The following DLG2 variants were observed in gnomAD, a reference collection of about 807,000 sequenced individuals.
DLG2 encodes the protein disks large homolog 2.
Under a neutral mutation model 132.5 loss-of-function variants are expected in DLG2, and 45 were observed. The ratio of observed to expected loss-of-function variants is 0.34; its 90% CI spans 0.27 to 0.44. The LOEUF is 0.44. Among genes scored for constraint, DLG2 ranks in the 20% least tolerant of loss-of-function variants. The pLI, the probability that DLG2 is intolerant of heterozygous loss-of-function variation, is 1.00. For missense variants in DLG2, 1,045 were observed against 1,196.9 expected, an observed-to-expected ratio of 0.87 and a Z score of 1.87; for synonymous variants, 424 against 419.6, an observed-to-expected ratio of 1.01 and a Z score of -0.13.
At chr11:83,752,408 T>C (rs952035247) in intron 18 of DLG2, among the ~76,000 whole-genome samples, 9 of 152,080 alleles carry the variant, frequency 5.9e-5, no homozygotes, top group African/African-American at 2.2e-4. Flanking sequence ...ATCATCCAAG[T>C]ATGAATCATA....
intron 6 of DLG2, among the ~76,000 whole-genome samples, chr11:84,974,532 C>A (rs757050646): frequency 6.6e-6 from 1 of 152,098 alleles, no homozygotes; most frequent in Non-Finnish European, 1.5e-5. Context: ...TACAGTGAGG[C>A]CTTCAGAAGT....
At chr11:85,505,584 G>C (rs2093911759) in intron 3 of DLG2, among the ~76,000 whole-genome samples, 1 of 152,144 alleles carries the variant, frequency 6.6e-6, no homozygotes, top group African/African-American at 2.4e-5. Flanking sequence ...TGATGGTGGT[G>C]GATAAGATTT....
intron 3 of DLG2, among the ~76,000 whole-genome samples, chr11:85,524,126 T>A: frequency 6.6e-6 from 1 of 152,084 alleles, no homozygotes; most frequent in East Asian, 1.9e-4. Context: ...GTAGGGATGA[T>A]TAATGGGTAT....
intron 6 of DLG2, among the ~76,000 whole-genome samples, chr11:85,032,134 T>C (rs1278750158): frequency 6.6e-6 from 1 of 151,846 alleles, no homozygotes; most frequent in Non-Finnish European, 1.5e-5. Flanking sequence ...AAAATGCAAT[T>C]TCTGTAACTT....
At chr11:84,973,768 T>C (rs1267373456) in intron 6 of DLG2, among the ~76,000 whole-genome samples, 1 of 152,182 alleles carries the variant, frequency 6.6e-6, no homozygotes, top group Non-Finnish European at 1.5e-5. Context: ...AACTCTGCTA[T>C]TGTAGTACAA....
rs971635144 is a variant in DLG2, at chr11:84,508,157, G to A, written c.519+26413C>T. Among the ~76,000 whole-genome samples, 45 of 152,262 alleles carry A rather than the reference G, an allele frequency of 3.0e-4. 1 individual carries two copies. Among genetic ancestry groups the A allele is most frequent in the Admixed American group, 2.0e-4 (3 of 15,298 alleles). On this transcript the variant is annotated intron_variant, in intron 7 of 27. Transcript: ENST00000376104. ...TTACTTTGTCTTATGATACACACAT[G>A]TGCTGCCTGCTCTACCTATTTTAAC...
At chr11:84,648,065 T>C (rs557111395) in intron 6 of DLG2, among the ~76,000 whole-genome samples, 3 of 152,222 alleles carry the variant, frequency 2.0e-5, no homozygotes, top group Non-Finnish European at 2.9e-5. Flanking sequence ...CAAGGTAACA[T>C]AGCTAGTAAA....
intron 4 of DLG2, among the ~76,000 whole-genome samples, chr11:85,262,420 AC>A (rs1173154537): frequency 6.6e-6 from 1 of 152,064 alleles, no homozygotes; most frequent in Non-Finnish European, 1.5e-5. Flanking sequence ...TCTTAACAAG[AC>A]CCGTTTAGGA....
intron 9 of DLG2, among the ~76,000 whole-genome samples, chr11:84,139,285 GCA>G (rs954416223): frequency 5.3e-5 from 8 of 151,980 alleles, no homozygotes; most frequent in Admixed American, 4.6e-4. Flanking sequence ...TGAATTCCAG[GCA>G]CCACAGTAGG....
intron 7 of DLG2, among the ~76,000 whole-genome samples, chr11:84,285,188 C>T (rs2097897062): frequency 6.6e-6 from 1 of 152,140 alleles, no homozygotes; most frequent in South Asian, 2.1e-4. Flanking sequence ...GATATAACAG[C>T]TCCAAAAGCT....
chr11:85,026,560 G>T (rs1017842594), intron 6 of DLG2, among the ~76,000 whole-genome samples: 1 of 152,050 alleles, frequency 6.6e-6, no homozygotes, highest in Non-Finnish European at 1.5e-5. Context: ...TCTTTCGGCC[G>T]GGCGCGGTAG....
chr11:85,007,202 C>CT (rs5793151), intron 6 of DLG2, among the ~76,000 whole-genome samples: 106,946 of 151,584 alleles, frequency 0.71, 38,708 homozygotes, highest in East Asian at 0.92. Context: ...AAGTACATAA[C>CT]TCTCAAAGAA....
intron 7 of DLG2, among the ~76,000 whole-genome samples, chr11:84,419,468 T>G (rs1013311810): frequency 3.3e-5 from 5 of 152,194 alleles, no homozygotes; most frequent in Non-Finnish European, 2.9e-5. Context: ...GGACATCATT[T>G]AGAACATCCT....
At position 85,060,505 on chromosome 11, in the gene DLG2, A is replaced by ATG. The variant is rs547204773; in HGVS notation, c.357+51154_357+51155dup. On this transcript the variant is annotated intron_variant, in intron 6 of 27. Transcript: ENST00000376104. ...TATATATATATACACGCATATGTAT[A>ATG]TGTGTGTGTGTGTATACATGTATTT... 4.5e-3 allele frequency among the ~76,000 whole-genome samples: 671 copies of ATG among 150,500 alleles called. 3 individuals are homozygous for ATG. The highest frequency in any genetic ancestry group is 7.1e-3 in the Non-Finnish European group (478 of 67,392).
intron 16 of DLG2, among the ~76,000 whole-genome samples, chr11:83,852,622 C>T (rs2059962774): frequency 6.6e-6 from 1 of 152,170 alleles, no homozygotes. Flanking sequence ...TAGTTGAACT[C>T]TAAAAATTCT....
chr11:84,676,918 GA>G (rs1429678024), intron 6 of DLG2, among the ~76,000 whole-genome samples: 1 of 152,032 alleles, frequency 6.6e-6, no homozygotes, highest in African/African-American at 2.4e-5. Context: ...GAACAAGTGA[GA>G]AAAGCCTGCA....
intron 3 of DLG2, among the ~76,000 whole-genome samples, chr11:85,506,004 C>G (rs2093923173): frequency 6.6e-6 from 1 of 152,132 alleles, no homozygotes; most frequent in African/African-American, 2.4e-5. Context: ...AATTTATTTG[C>G]ATAGAGGTGT....
intron 6 of DLG2, among the ~76,000 whole-genome samples, chr11:84,828,241 T>C (rs1394541243): frequency 6.6e-6 from 1 of 151,788 alleles, no homozygotes; most frequent in Non-Finnish European, 1.5e-5. Flanking sequence ...TCATTGGAGC[T>C]GCTAACATTT....
chr11:84,983,872 A>C (rs914001367), intron 6 of DLG2, among the ~76,000 whole-genome samples: 1 of 152,154 alleles, frequency 6.6e-6, no homozygotes, highest in Non-Finnish European at 1.5e-5. Context: ...TCTCAGCAAC[A>C]GAATCGAAGA....
Sources: gnomAD v4.1 joint callset for allele counts (sites outside exome capture counted in the v4.1 genomes callset) on GRCh38, gnomAD v4.1.1 for gene constraint, MANE v1.5 for transcripts, NCBI Gene and HGNC (gene_info 2026-07-23, HGNC 2026-07-21) for gene names.